Variants in TTC7B observed in about 807,000 individuals in gnomAD.
TTC7B encodes the protein tetratricopeptide repeat domain 7B.
TTC7B carries 28 observed loss-of-function variants against 106.8 expected under a neutral mutation model. That is an observed-to-expected ratio of 0.26 (90% CI 0.19 to 0.36). TTC7B has a LOEUF of 0.36. Ranked by LOEUF, TTC7B falls within the 10% of genes least tolerant of loss-of-function variation. TTC7B has a pLI of 1.00. For synonymous variants in TTC7B, 405 were observed against 430.6 expected, an observed-to-expected ratio of 0.94 and a Z score of 0.74; for missense variants, 862 against 1,076.4, an observed-to-expected ratio of 0.80 and a Z score of 2.79.
Position 90,644,063 on chromosome 14 carries a change from T to C in TTC7B, c.1736A>G (p.Tyr579Cys). The stretch of plus-strand genomic sequence containing the variant: ...GATCACTTACATGAAATTTTCTGGG[T>C]ATTCACTCAGGGCCATGTCGATGAT... ...LNIIDMALSE[Y>C]PENFILLFSK... is the part of the protein sequence containing the mutation. The change falls in exon 15 of 20, where the codon TAC becomes TGC. Residue 579 changes from tyrosine (Y) to cysteine (C), a missense_variant. Coordinates refer to ENST00000328459, the MANE Select transcript of TTC7B (RefSeq NM_001010854.2). The C allele has an allele frequency of 6.2e-7, 1 of 1,614,026 alleles. No individual in the cohort carries two copies. The highest frequency in any genetic ancestry group is 8.5e-7 in the Non-Finnish European group (1 of 1,179,980).
intron 18 of TTC7B, among the ~76,000 whole-genome samples, chr14:90,591,710 A>ACAAGTT (rs1376171370): frequency 2.0e-5 from 3 of 152,180 alleles, no homozygotes; most frequent in Non-Finnish European, 4.4e-5. Flanking sequence ...CACCAGCCCC[A>ACAAGTT]CAAGTTCAGG....
rs1012659531 is a variant in TTC7B, at chr14:90,570,891, C to T, written c.2310+7215G>A. ...AGCACAGAGAGATGAAGGGACTTAT[C>T]TCGGGGTACGCAGTTAGTAAGCGAC... is the stretch of plus-strand genomic sequence containing the variant. On this transcript the variant is annotated intron_variant, in intron 19 of 19. Transcript: ENST00000328459. The surrounding 1 kb of genome is among the most constrained non-coding windows in gnomAD (Gnocchi z 4.0). 6.6e-6 allele frequency among the ~76,000 whole-genome samples: 1 copy of T among 152,196 alleles called. No individual in the cohort carries two copies. The highest frequency in any genetic ancestry group is 6.5e-5 in the Admixed American group (1 of 15,290).
chr14:90,720,478 G>C (rs1438984008), intron 5 of TTC7B, among the ~76,000 whole-genome samples: 1 of 152,182 alleles, frequency 6.6e-6, no homozygotes, highest in Non-Finnish European at 1.5e-5. Flanking sequence ...GGTAGAACAA[G>C]TGAATGCCGT....
intron 3 of TTC7B, among the ~76,000 whole-genome samples, chr14:90,749,303 CCCT>C (rs1890063708): frequency 6.6e-6 from 1 of 152,054 alleles, no homozygotes; most frequent in Admixed American, 6.6e-5. Flanking sequence ...GTTTATGTCA[CCCT>C]CCTCCTTCCT....
intron 9 of TTC7B, among the ~76,000 whole-genome samples, chr14:90,664,382 G>A (rs1192648372): frequency 6.6e-6 from 1 of 152,182 alleles, no homozygotes; most frequent in Non-Finnish European, 1.5e-5. Context: ...CGATTCGCCT[G>A]CCTCAGCCTC....
chr14:90,770,897 A>G (rs1333603323), intron 3 of TTC7B, among the ~76,000 whole-genome samples: 2 of 152,204 alleles, frequency 1.3e-5, no homozygotes, highest in South Asian at 2.1e-4. Context: ...ATGTTACAAC[A>G]TGGATGAACC....
intron 3 of TTC7B, among the ~76,000 whole-genome samples, chr14:90,764,272 G>A (rs1191813466): frequency 6.6e-6 from 1 of 152,108 alleles, no homozygotes; most frequent in African/African-American, 2.4e-5. Context: ...AAAGAATGAA[G>A]TTGGATGCTG....
rs530563511 is a variant in TTC7B at position 90,806,349 on chromosome 14, C to T, written c.121+9826G>A. 3.3e-4 allele frequency among the ~76,000 whole-genome samples: 51 copies of T among 152,354 alleles called. 2 individuals are homozygous for T. The South Asian group carries it at 9.5e-3, about 28-fold the overall frequency. ...CCTCGTTCTGTGACCCAGCCAACACCGCGCTGCTTCAGCTTTGGGCCTGAG... is the reference window on the plus strand; with the variant it reads ...CCTCGTTCTGTGACCCAGCCAACACTGCGCTGCTTCAGCTTTGGGCCTGAG... On this transcript the variant is annotated intron_variant, in intron 1 of 19. Transcript: ENST00000328459.
chr14:90,722,443 A>G (rs1595318399), intron 5 of TTC7B, among the ~76,000 whole-genome samples: 1 of 152,018 alleles, frequency 6.6e-6, no homozygotes. Context: ...CCAAAACCCC[A>G]CCTTCCAGAT....
At chr14:90,692,437 A>G (rs1237943402) in intron 6 of TTC7B, among the ~76,000 whole-genome samples, 1 of 152,218 alleles carries the variant, frequency 6.6e-6, no homozygotes, top group Non-Finnish European at 1.5e-5. Context: ...ATAAATTTGC[A>G]ATTATCAGCT....
At chr14:90,660,264 CCT>C (rs1195172052) in intron 9 of TTC7B, among the ~76,000 whole-genome samples, 1 of 151,158 alleles carries the variant, frequency 6.6e-6, no homozygotes, top group East Asian at 1.9e-4. Flanking sequence ...GTAGTGCACA[CCT>C]GTAGTCCCAG....
intron 16 of TTC7B, among the ~76,000 whole-genome samples, chr14:90,614,905 T>C (rs1893008968): frequency 6.6e-6 from 1 of 152,240 alleles, no homozygotes. Context: ...CACACTGTCT[T>C]GAGTGGCTGG....
intron 18 of TTC7B, among the ~76,000 whole-genome samples, chr14:90,582,127 C>A (rs79117889): frequency 0.048 from 7,238 of 152,278 alleles, 545 homozygotes; most frequent in African/African-American, 0.16. Context: ...ACCATTTTTG[C>A]CAGTGAAGGC....
intron 5 of TTC7B, among the ~76,000 whole-genome samples, chr14:90,727,571 T>A (rs1172874457): frequency 6.6e-6 from 1 of 152,222 alleles, no homozygotes; most frequent in East Asian, 1.9e-4. Flanking sequence ...TCAGGTTTTC[T>A]GAAAGAGATG....
chr14:90,646,828 C>A, intron 14 of TTC7B, 123 bp downstream of exon 14: 1 of 922,402 alleles, frequency 1.1e-6, no homozygotes, highest in South Asian at 1.4e-5. Context: ...GAGAAGGGTT[C>A]CTGGCTCCAG....
At position 90,802,810 on chromosome 14, in the gene TTC7B, G is replaced by A. The variant is rs919404628; in HGVS notation, c.121+13365C>T. The stretch of plus-strand genomic sequence containing the variant: ...AACAGGGCAGGGACACTGTCAAGCA[G>A]CGGGGTTAGAAGAGAAGGGCACACA... On this transcript the variant is annotated intron_variant, in intron 1 of 19. Transcript: ENST00000328459. The surrounding 1 kb of genome is among the most constrained non-coding windows in gnomAD (Gnocchi z 4.7). Among the ~76,000 whole-genome samples, 3 of 152,124 alleles carry A rather than the reference G, an allele frequency of 2.0e-5. No homozygotes were observed. Among genetic ancestry groups the A allele is most frequent in the African/African-American group, 7.2e-5 (3 of 41,442 alleles).
rs184325732 is a variant in TTC7B at position 90,578,349 on chromosome 14, C to G, written c.2108-41G>C. The G allele has an allele frequency of 5.7e-6, 9 of 1,586,992 alleles. No homozygotes were observed. The highest frequency in any genetic ancestry group is 7.7e-6 in the Non-Finnish European group (9 of 1,162,988). On this transcript the variant is annotated intron_variant, in intron 18 of 19. Transcript: ENST00000328459. The surrounding 1 kb of genome is among the most constrained non-coding windows in gnomAD (Gnocchi z 4.7). The stretch of plus-strand genomic sequence containing the variant: ...AACGGCACATGCTTTCCTGGTGCCC[C>G]TCTGAGGCCCTGCGAGCAGCCACCA...
intron 3 of TTC7B, among the ~76,000 whole-genome samples, chr14:90,779,798 C>G (rs1891150115): frequency 6.6e-6 from 1 of 152,168 alleles, no homozygotes; most frequent in African/African-American, 2.4e-5. Flanking sequence ...ACTTTTTCTT[C>G]CCATGAGATT....
At chr14:90,765,291 G>A (rs1890637312) in intron 3 of TTC7B, among the ~76,000 whole-genome samples, 2 of 152,134 alleles carry the variant, frequency 1.3e-5, no homozygotes, top group Non-Finnish European at 2.9e-5. Flanking sequence ...TGGTTGACTA[G>A]GGCTATAGAG....
Sources: gnomAD v4.1 joint callset for allele counts (sites outside exome capture counted in the v4.1 genomes callset) on GRCh38, gnomAD v4.1.1 for gene constraint, Gnocchi (gnomAD v3.1) non-coding constraint, MANE v1.5 for transcripts, NCBI Gene and HGNC (gene_info 2026-07-23, HGNC 2026-07-21) for gene names.